The following BLM variants were observed in gnomAD, a reference collection of about 807,000 sequenced individuals.
BLM encodes BLM RecQ like helicase, also known as recQ-like DNA helicase BLM.
A neutral mutation model predicts 135.3 loss-of-function variants in BLM; 95 were observed. That is an observed-to-expected ratio of 0.70 (90% CI 0.59 to 0.83). The LOEUF (loss-of-function observed/expected upper bound fraction) is 0.83. Ranked by LOEUF, BLM falls within the 40% of genes least tolerant of loss-of-function variation. The pLI, the probability that BLM is intolerant of heterozygous loss-of-function variation, is 0.00. For missense variants in BLM, 1,518 were observed against 1,663.9 expected (o/e 0.91, Z 1.53); for synonymous variants, 520 against 589.2 (o/e 0.88, Z 1.70).
chr15:90,756,610 C>G (rs35163648), intron 5 of BLM, among the ~76,000 whole-genome samples: 8,164 of 152,282 alleles, frequency 0.054, 299 homozygotes, highest in Non-Finnish European at 0.081. Flanking sequence ...TTAGCTAGAA[C>G]AGGGGCAAGG....
chr15:90,726,637 C>T lies in BLM; in HGVS notation c.-5+9197C>T, dbSNP rs1394142084. ...CCAGTGTCCTCTGTTCTAGATTTTA[C>T]TTCTATGAGAGCAACGATTTTTAGG... On this transcript the variant is annotated intron_variant, in intron 1 of 21. Transcript: ENST00000355112. Among the ~76,000 whole-genome samples the T allele has an allele frequency of 2.6e-5, 4 of 152,278 alleles. No individual in the cohort carries two copies. The East Asian group carries it at 5.8e-4, about 22-fold the overall frequency.
At chr15:90,764,316 T>G (rs1339754423) in intron 8 of BLM, among the ~76,000 whole-genome samples, 1 of 149,690 alleles carries the variant, frequency 6.7e-6, no homozygotes, top group East Asian at 1.9e-4. Flanking sequence ...ATATAGTGTG[T>G]GTGTAAATAT....
chr15:90,809,073 G>A, intron 19 of BLM, 64 bp from the exon 20 acceptor site: 1 of 1,602,672 alleles, frequency 6.2e-7, no homozygotes, highest in Non-Finnish European at 8.5e-7. Flanking sequence ...GCGTGAATGA[G>A]CCTGAATTCA....
chr15:90,775,522 GTGTGTGTGTA>G (rs943766657), intron 12 of BLM, among the ~76,000 whole-genome samples: 6 of 147,920 alleles, frequency 4.1e-5, no homozygotes. Context: ...GTGTGTGTGT[GTGTGTGTGTA>G]TTTTAGACCA....
chr15:90,807,000 A>G (rs1897300544), intron 19 of BLM, among the ~76,000 whole-genome samples: 1 of 152,256 alleles, frequency 6.6e-6, no homozygotes, highest in South Asian at 2.1e-4. Context: ...AAAAATACAT[A>G]TAATCAAATT....
At chr15:90,778,273 CTAAAT>C (rs1329285027) in intron 12 of BLM, among the ~76,000 whole-genome samples, 1 of 152,132 alleles carries the variant, frequency 6.6e-6, no homozygotes, top group Non-Finnish European at 1.5e-5. Context: ...ATTTGTTTGA[CTAAAT>C]TAACTGGTAA....
Position 90,767,021 on chromosome 15 carries a change from A to C in BLM, c.2305A>C (p.Lys769Gln), listed in dbSNP as rs1218122851. ...AAAACTTCTATATGTCACTCCAGAAAAGGTTTGTATTTATATCATTATTTT... is the reference window on the plus strand; with the variant it reads ...AAAACTTCTATATGTCACTCCAGAACAGGTTTGTATTTATATCATTATTTT... ...IIKLLYVTPE[K>Q]ICASNRLIST... The change falls in exon 10 of 22, where the codon AAG (lysine) becomes CAG (glutamine). Residue 769 changes from lysine (K) to glutamine (Q), a missense_variant and splice_region_variant. By Grantham distance (53) the Lys-to-Gln change is moderately conservative. Coordinates refer to ENST00000355112, the MANE Select transcript of BLM (RefSeq NM_000057.4). The C allele has an allele frequency of 6.6e-7, 1 of 1,516,744 alleles. No homozygotes were observed. The highest frequency in any genetic ancestry group is 1.7e-5 in the Admixed American group (1 of 59,090). The allele number at this position is 1,516,744 out of a possible 1,614,324, so 94.0% of individuals were successfully genotyped here.
At chr15:90,743,888 A>G (rs935401950) in intron 1 of BLM, among the ~76,000 whole-genome samples, 5 of 152,214 alleles carry the variant, frequency 3.3e-5, no homozygotes, top group African/African-American at 1.2e-4. Context: ...CTCGTGAGGA[A>G]TAACCAAAGA....
intron 16 of BLM, 89 bp from the exon 17 acceptor site, chr15:90,798,101 G>A (rs1184993931): frequency 1.7e-6 from 2 of 1,201,860 alleles, no homozygotes; most frequent in Non-Finnish European, 2.3e-6. Flanking sequence ...AATGGGTTAT[G>A]ATGAATCTAC....
intron 19 of BLM, among the ~76,000 whole-genome samples, chr15:90,805,460 C>G (rs997127317): frequency 6.6e-6 from 1 of 151,556 alleles, no homozygotes; most frequent in Non-Finnish European, 1.5e-5. Context: ...GGCAAATAAT[C>G]GGCACAAATA....
chr15:90,778,394 C>T (rs923053714), intron 12 of BLM, among the ~76,000 whole-genome samples: 7 of 152,226 alleles, frequency 4.6e-5, no homozygotes, highest in Non-Finnish European at 1.0e-4. Flanking sequence ...ACATACCATA[C>T]AATTCCCATA....
At chr15:90,767,868 T>C (rs746918458) in intron 10 of BLM, among the ~76,000 whole-genome samples, 13 of 152,196 alleles carry the variant, frequency 8.5e-5, no homozygotes, top group Non-Finnish European at 1.9e-4. Context: ...CAGTTATTAC[T>C]ATGATAGATA....
chr15:90,754,674 G>T, intron 4 of BLM, 137 bp from the exon 5 acceptor site: 1 of 1,024,220 alleles, frequency 9.8e-7, no homozygotes, highest in Middle Eastern at 3.2e-4. Flanking sequence ...TTATAATTGA[G>T]GAAATTTAAA....
At chr15:90,724,771 G>A (rs1366140506) in intron 1 of BLM, among the ~76,000 whole-genome samples, 1 of 152,138 alleles carries the variant, frequency 6.6e-6, no homozygotes, top group Non-Finnish European at 1.5e-5. Flanking sequence ...ATCTCTACAT[G>A]TTCTCACCAA....
intron 2 of BLM, among the ~76,000 whole-genome samples, chr15:90,748,104 C>T (rs1446715035): frequency 6.7e-6 from 1 of 148,814 alleles, no homozygotes; most frequent in Non-Finnish European, 1.5e-5. Flanking sequence ...CCGTGCCCAG[C>T]CTTTTTTTTT....
At position 90,809,269 on chromosome 15, in the gene BLM, C is replaced by T. The variant is rs746130539; in HGVS notation, c.3874+10C>T. On this transcript the variant is annotated intron_variant, in intron 20 of 21. Coordinates refer to ENST00000355112, the MANE Select transcript of BLM (RefSeq NM_000057.4). ...GAATGGACATCGCCAGGTTAGTACA[C>T]AGCCATGTGTGTTCTCTAAAAGCCT... 3 of 1,614,156 alleles carry T rather than the reference C, an allele frequency of 1.9e-6. No individual in the cohort carries two copies. Among genetic ancestry groups the T allele is most frequent in the Non-Finnish European group, 2.5e-6 (3 of 1,180,024 alleles).
At chr15:90,732,682 T>C (rs145683225) in intron 1 of BLM, among the ~76,000 whole-genome samples, 1 of 149,480 alleles carries the variant, frequency 6.7e-6, no homozygotes, top group Non-Finnish European at 1.5e-5. Flanking sequence ...ATGAAATAAA[T>C]TCCAAACTTA....
At chr15:90,754,614 T>A (rs908281410) in intron 4 of BLM, among the ~76,000 whole-genome samples, 197 bp from the exon 5 acceptor site, 1 of 152,176 alleles carries the variant, frequency 6.6e-6, no homozygotes, top group Non-Finnish European at 1.5e-5. Flanking sequence ...TCGGAGATAA[T>A]GTTGAAAAGG....
At chr15:90,752,058 A>G in intron 4 of BLM, 112 bp downstream of exon 4, 1 of 1,057,712 alleles carries the variant, frequency 9.5e-7, no homozygotes, top group Non-Finnish European at 1.3e-6. Context: ...TTCTACAATT[A>G]TTTTACATTC....
Sources: gnomAD v4.1 joint callset for allele counts (sites outside exome capture counted in the v4.1 genomes callset) on GRCh38, gnomAD v4.1.1 for gene constraint, MANE v1.5 for transcripts, NCBI Gene and HGNC (gene_info 2026-07-23, HGNC 2026-07-21) for gene names.